The following TMEM51 variants were observed in gnomAD, a reference collection of about 807,000 sequenced individuals.
TMEM51 encodes chromosome 1 open reading frame 72.
Under a neutral mutation model 13.6 loss-of-function variants are expected in TMEM51, and 8 were observed. The ratio of observed to expected loss-of-function variants is 0.59; its 90% confidence interval spans 0.35 to 1.07. The LOEUF (loss-of-function observed/expected upper bound fraction) is 1.07. Among genes scored for constraint, TMEM51 ranks in the 50% least tolerant of loss-of-function variants. The pLI, the probability that TMEM51 is intolerant of heterozygous loss-of-function variation, is 0.02. For synonymous variants in TMEM51, 147 were observed against 144.4 expected (o/e 1.02, Z -0.13); for missense variants, 279 against 330.7 (o/e 0.84, Z 1.21).
chr1:15,165,722 A>G (rs758115719), intron 1 of TMEM51, among the ~76,000 whole-genome samples: 1 of 152,224 alleles, frequency 6.6e-6, no homozygotes, highest in Non-Finnish European at 1.5e-5. Context: ...ATTTGCAGCA[A>G]CAGGGAATTG....
intron 3 of TMEM51, among the ~76,000 whole-genome samples, chr1:15,218,868 T>A (rs879479698): frequency 6.6e-6 from 1 of 152,198 alleles, no homozygotes; most frequent in African/African-American, 2.4e-5. Flanking sequence ...TTAATTTGCA[T>A]GTGACTAAAA....
At chr1:15,175,571 C>A (rs1011666097) in intron 1 of TMEM51, among the ~76,000 whole-genome samples, 1 of 152,134 alleles carries the variant, frequency 6.6e-6, no homozygotes, top group East Asian at 1.9e-4. Context: ...AAAGACATAC[C>A]CGAGACTGGG....
rs933425101 is a variant in TMEM51, at chr1:15,161,578, G to A, written c.-267+7624G>A. On this transcript the variant is annotated intron_variant, in intron 1 of 3. Coordinates refer to ENST00000376008, the MANE Select transcript of TMEM51 (RefSeq NM_001136218.2). This position sits in a 1 kb window ranked among gnomAD's most constrained non-coding sequence, Gnocchi z 4.0. ...GGATCCAGCAGTTTCACTTCTGGGTGCATACTTGTCTTAGTCCATTTGTGT... is the reference window on the plus strand; with the variant it reads ...GGATCCAGCAGTTTCACTTCTGGGTACATACTTGTCTTAGTCCATTTGTGT... Among the ~76,000 whole-genome samples, 1 of 152,068 alleles carries A rather than the reference G, an allele frequency of 6.6e-6. No homozygotes were observed. Among genetic ancestry groups the A allele is most frequent in the Non-Finnish European group, 1.5e-5 (1 of 68,046 alleles).
intron 2 of TMEM51, among the ~76,000 whole-genome samples, chr1:15,214,006 C>CTTTTTTTTTTTTTT (rs367871717): frequency 1.6e-5 from 2 of 124,204 alleles, no homozygotes; most frequent in African/African-American, 6.1e-5. Context: ...AGCACCCAGC[C>CTTTTTTTTTTTTTT]TTTTTTTTTT....
intron 1 of TMEM51, among the ~76,000 whole-genome samples, chr1:15,189,143 G>C (rs1404140187): frequency 1.3e-5 from 2 of 150,994 alleles, no homozygotes; most frequent in Non-Finnish European, 2.9e-5. Context: ...CAGGTTAAGG[G>C]ATTCTCCCAC....
rs3753314 is a variant in TMEM51 at position 15,215,041 on chromosome 1, C to T, written c.-47C>T. On this transcript the variant is annotated 5_prime_UTR_variant, in exon 3 of 4. Transcript: ENST00000376008. ...TTTGTTGTGACTGCTGCCTTGTATACATTTATTTTCTTTCTTGGAACTGGG... is the reference window on the plus strand; with the variant it reads ...TTTGTTGTGACTGCTGCCTTGTATATATTTATTTTCTTTCTTGGAACTGGG... The T allele has an allele frequency of 0.87, 1,344,584 of 1,541,432 alleles. 588,021 individuals carry two copies. The highest frequency in any genetic ancestry group is 0.97 in the East Asian group (42,751 of 44,118).
rs747908902 is a variant in TMEM51 at position 15,161,695 on chromosome 1, T to A, written c.-267+7741T>A. Among the ~76,000 whole-genome samples, 7 of 151,928 alleles carry A rather than the reference T, an allele frequency of 4.6e-5. No individual in the cohort carries two copies. Among genetic ancestry groups the A allele is most frequent in the Non-Finnish European group, 8.8e-5 (6 of 67,998 alleles). ...GGCTCACGCCGGTAATCCCAGCACTTTGGGAAACCGAGGCAGGCAGATCAC... is the reference window on the plus strand; with the variant it reads ...GGCTCACGCCGGTAATCCCAGCACTATGGGAAACCGAGGCAGGCAGATCAC... On this transcript the variant is annotated intron_variant, in intron 1 of 3. Coordinates refer to ENST00000376008, the MANE Select transcript of TMEM51 (RefSeq NM_001136218.2). This position sits in a 1 kb window ranked among gnomAD's most constrained non-coding sequence, Gnocchi z 4.0.
chr1:15,157,798 C>T (rs895688958), intron 1 of TMEM51, among the ~76,000 whole-genome samples: 3 of 152,196 alleles, frequency 2.0e-5, no homozygotes, highest in African/African-American at 7.2e-5. Context: ...CTTTGGATGG[C>T]AGGCTTTTAA....
At chr1:15,206,929 C>T (rs1644260738) in intron 1 of TMEM51, among the ~76,000 whole-genome samples, 1 of 152,178 alleles carries the variant, frequency 6.6e-6, no homozygotes, top group African/African-American at 2.4e-5. Flanking sequence ...CACCCTTTGA[C>T]CTTGGTCCGT....
At chr1:15,175,236 C>T (rs1036302749) in intron 1 of TMEM51, among the ~76,000 whole-genome samples, 18 of 152,076 alleles carry the variant, frequency 1.2e-4, no homozygotes, top group African/African-American at 4.3e-4. Context: ...CCCATCTCTA[C>T]TAAAAATACA....
In TMEM51 at chr1:15,220,058, C is replaced by G. The variant is rs1021799202; in HGVS notation, c.*315C>G. The G allele has an allele frequency of 2.9e-6, 1 of 343,666 alleles. No homozygotes were observed. Among genetic ancestry groups the G allele is most frequent in the African/African-American group, 2.0e-5 (1 of 48,796 alleles). The allele number at this position is 343,666 out of a possible 1,614,324, so 21.3% of individuals were successfully genotyped here. A position where few individuals can be genotyped will look rare whatever the true frequency, so the allele number is the denominator to read the frequency against. On this transcript the variant is annotated 3_prime_UTR_variant, in exon 4 of 4. Transcript: ENST00000376008. ...GCTGGCGACACATTCTCCTTTCCAG[C>G]TAGGAAAGGGTTCCTCGCGGCTGGT...
intron 2 of TMEM51, among the ~76,000 whole-genome samples, chr1:15,213,782 G>C (rs749118057): frequency 2.0e-5 from 3 of 152,188 alleles, no homozygotes; most frequent in Non-Finnish European, 2.9e-5. Flanking sequence ...TGGTTTCAGA[G>C]AAGCTTGTCT....
chr1:15,197,142 G>A (rs765559087), intron 1 of TMEM51, among the ~76,000 whole-genome samples: 11 of 152,222 alleles, frequency 7.2e-5, no homozygotes, highest in Non-Finnish European at 1.3e-4. Context: ...AGCAATTCCA[G>A]GGAAAGTTAA....
At chr1:15,190,782 GTTTTGT>G (rs1351188637) in intron 1 of TMEM51, among the ~76,000 whole-genome samples, 1 of 151,878 alleles carries the variant, frequency 6.6e-6, no homozygotes, top group South Asian at 2.1e-4. Context: ...TTGGTTTTTT[GTTTTGT>G]TTTTGTTTTT....
At chr1:15,211,821 ACCCCC>A (rs3078883) in intron 2 of TMEM51, among the ~76,000 whole-genome samples, 2 of 101,258 alleles carry the variant, frequency 2.0e-5, no homozygotes, top group African/African-American at 4.2e-5. Flanking sequence ...CTGAAAGGTG[ACCCCC>A]CCCCCCCCCC....
intron 1 of TMEM51, among the ~76,000 whole-genome samples, chr1:15,167,769 T>C (rs1643076883): frequency 6.6e-6 from 1 of 152,222 alleles, no homozygotes. Context: ...TGCTTTCACT[T>C]TGCCAGCTGA....
At chr1:15,197,819 T>G (rs115103600) in intron 1 of TMEM51, among the ~76,000 whole-genome samples, 2,685 of 152,190 alleles carry the variant, frequency 0.018, 81 homozygotes, top group African/African-American at 0.061. Context: ...TCGCTGTGTC[T>G]GTCACCAGGG....
intron 3 of TMEM51, among the ~76,000 whole-genome samples, chr1:15,216,141 C>T (rs369419411): frequency 6.6e-6 from 1 of 152,306 alleles, no homozygotes; most frequent in South Asian, 2.1e-4. Flanking sequence ...GGTCACTGAA[C>T]AGGGCCTGGG....
Position 15,219,469 on chromosome 1 carries a change from C to T in TMEM51, c.488C>T (p.Ser163Leu). ...RLSISLPSYESLTGLDETTPT... is the reference protein window; with the variant it reads ...RLSISLPSYELLTGLDETTPT... ...AGCATCTCTCTCCCGTCCTATGAGT[C>T]ACTGACGGGGCTCGACGAGACCACC... The change falls in exon 4 of 4, where the codon TCA becomes TTA. Residue 163 changes from serine (S) to leucine (L), a missense_variant. Physicochemically the swap from Ser to Leu is moderately radical, Grantham distance 145. Transcript: ENST00000376008. 6.2e-7 allele frequency: 1 copy of T among 1,614,144 alleles called. No individual in the cohort carries two copies. Among genetic ancestry groups the T allele is most frequent in the Non-Finnish European group, 8.5e-7 (1 of 1,180,032 alleles).
Sources: allele counts gnomAD v4.1 joint callset (sites outside exome capture counted in the v4.1 genomes callset), GRCh38; gene constraint gnomAD v4.1.1; non-coding constraint Gnocchi (gnomAD v3.1); transcripts MANE v1.5; gene names NCBI Gene and HGNC (gene_info 2026-07-23, HGNC 2026-07-21).